CFAP97: variants seen among roughly 807,000 people sequenced by gnomAD.
CFAP97 encodes the protein cilia- and flagella-associated protein 97.
Under a neutral mutation model 43.1 loss-of-function variants are expected in CFAP97, and 36 were observed. The observed-to-expected ratio is 0.84, with a 90% CI of 0.64 to 1.10. The LOEUF is 1.10. Among genes scored for constraint, CFAP97 ranks in the 50% least tolerant of loss-of-function variants. The pLI is 0.00. For missense variants in CFAP97, 657 were observed against 620.3 expected, an observed-to-expected ratio of 1.06 and a Z score of -0.63; for synonymous variants, 228 against 225.7, an observed-to-expected ratio of 1.01 and a Z score of -0.09.
chr4:185,204,711 C>G (rs1737111307), upstream of CFAP97, among the ~76,000 whole-genome samples: 1 of 152,150 alleles, frequency 6.6e-6, no homozygotes, highest in South Asian at 2.1e-4. Context: ...CACAAAGGTC[C>G]TTATAAGATG....
intron 1 of CFAP97, among the ~76,000 whole-genome samples, chr4:185,192,696 C>T (rs1736323039): frequency 6.8e-6 from 1 of 146,982 alleles, no homozygotes; most frequent in East Asian, 2.0e-4. Context: ...TAAGATCAGA[C>T]TTGACCTTTG....
chr4:185,167,537 A>G lies in CFAP97; in HGVS notation c.1321-3358T>C, dbSNP rs571637020. 9.2e-5 allele frequency among the ~76,000 whole-genome samples: 14 copies of G among 152,350 alleles called. No individual in the cohort carries two copies. The South Asian group carries it at 2.9e-3, about 32-fold the overall frequency. ...TACAGTGATAATAAATATAAGCTAT[A>G]TGGTCAGAAAGATTTGGGCTTAACA... On this transcript the variant is annotated intron_variant, in intron 3 of 4. Coordinates refer to ENST00000458385, the MANE Select transcript of CFAP97 (RefSeq NM_020827.3).
At chr4:185,172,650 A>G (rs912789950) in intron 3 of CFAP97, among the ~76,000 whole-genome samples, 4 of 151,840 alleles carry the variant, frequency 2.6e-5, no homozygotes, top group African/African-American at 9.7e-5. Context: ...AAATAACTAC[A>G]AAAGTGTGTC....
chr4:185,167,620 C>T (rs962352214), intron 3 of CFAP97, among the ~76,000 whole-genome samples: 4 of 152,106 alleles, frequency 2.6e-5, no homozygotes, highest in South Asian at 2.1e-4. Context: ...ATATTAATAA[C>T]GAAATAACCT....
upstream of CFAP97, among the ~76,000 whole-genome samples, chr4:185,208,737 AAAAGAAAG>A (rs141395764): frequency 2.1e-4 from 32 of 151,948 alleles, no homozygotes; most frequent in Non-Finnish European, 3.5e-4. Context: ...AAAAAAGAAA[AAAAGAAAG>A]AAAGAAAGAA....
chr4:185,170,007 C>T, intron 3 of CFAP97: 11 of 1,112,472 alleles, frequency 9.9e-6, no homozygotes, highest in Non-Finnish European at 1.2e-5. Context: ...ATTTTTGTGA[C>T]AATTTATCAC....
At chr4:185,168,407 G>C (rs1229627036) in intron 3 of CFAP97, among the ~76,000 whole-genome samples, 1 of 151,890 alleles carries the variant, frequency 6.6e-6, no homozygotes, top group African/African-American at 2.4e-5. Context: ...AGGAGTTTGA[G>C]ACCAGCCTGG....
At chr4:185,188,972 G>T (rs1037970892) in intron 2 of CFAP97, among the ~76,000 whole-genome samples, 2 of 152,114 alleles carry the variant, frequency 1.3e-5, no homozygotes, top group African/African-American at 4.8e-5. Flanking sequence ...ATGCAGTGGC[G>T]TGCACCCATA....
chr4:185,167,899 T>A (rs963242181), intron 3 of CFAP97, among the ~76,000 whole-genome samples: 5 of 148,728 alleles, frequency 3.4e-5, no homozygotes, highest in Non-Finnish European at 7.4e-5. Context: ...CTCCGGAGGC[T>A]GAGGCATGAG....
intron 2 of CFAP97, among the ~76,000 whole-genome samples, chr4:185,183,616 G>A (rs373868177): frequency 1.1e-4 from 16 of 152,354 alleles, no homozygotes; most frequent in African/African-American, 3.4e-4. Context: ...ATGCTTCACT[G>A]TGTAAATCGA....
chr4:185,198,410 T>G lies in CFAP97; in HGVS notation c.-17+5488A>C, dbSNP rs984174997. On this transcript the variant is annotated intron_variant, in intron 1 of 4. Coordinates refer to ENST00000458385, the MANE Select transcript of CFAP97 (RefSeq NM_020827.3). Reference sequence around the variant, plus strand: ...GTGAGCCAAGATTGCATCACTACACTCCAGCCTGGGTGACAGAGTGAGACT... The same window carrying G: ...GTGAGCCAAGATTGCATCACTACACGCCAGCCTGGGTGACAGAGTGAGACT... Among the ~76,000 whole-genome samples, 3 of 145,572 alleles carry G rather than the reference T, an allele frequency of 2.1e-5. No homozygotes were observed. The Admixed American group carries it at 2.1e-4, about 10-fold the overall frequency.
At chr4:185,178,240 CTTTTTTTTTTT>C (rs562452947) in intron 2 of CFAP97, among the ~76,000 whole-genome samples, 1 of 64,236 alleles carries the variant, frequency 1.6e-5, no homozygotes, top group Admixed American at 2.1e-4. Context: ...CGGTTTTTGT[CTTTTTTTTTTT>C]TTTTTTTTTT....
upstream of CFAP97, among the ~76,000 whole-genome samples, chr4:185,208,908 A>G (rs954571492): frequency 1.3e-5 from 2 of 152,234 alleles, no homozygotes; most frequent in African/African-American, 4.8e-5. Flanking sequence ...ATGACAGAAG[A>G]AAAGGCAAAT....
At position 185,162,756 on chromosome 4, in the gene CFAP97, C is replaced by T; in HGVS notation, c.*42G>A. On this transcript the variant is annotated 3_prime_UTR_variant, in exon 5 of 5. Coordinates refer to ENST00000458385, the MANE Select transcript of CFAP97 (RefSeq NM_020827.3). ...ATTATAGGAATATGCACGAGCACTTCAAGAAAAGTTGTGTGAACAATGTTT... is the reference window on the plus strand; with the variant it reads ...ATTATAGGAATATGCACGAGCACTTTAAGAAAAGTTGTGTGAACAATGTTT... The T allele has an allele frequency of 6.3e-7, 1 of 1,596,206 alleles. No homozygotes were observed. The highest frequency in any genetic ancestry group is 1.3e-5 in the African/African-American group (1 of 74,756).
intron 1 of CFAP97, among the ~76,000 whole-genome samples, chr4:185,203,409 C>G (rs1737003277): frequency 6.6e-6 from 1 of 152,180 alleles, no homozygotes; most frequent in Non-Finnish European, 1.5e-5. Flanking sequence ...AGTTAAACAG[C>G]ACAGTAGGCC....
rs1401864182 is a variant in CFAP97, at chr4:185,160,174, A to G, written c.*2624T>C. The G allele has an allele frequency of 1.3e-5, 2 of 152,242 alleles. No homozygotes were observed. The highest frequency in any genetic ancestry group is 2.9e-5 in the Non-Finnish European group (2 of 68,048). The allele number at this position is 152,242 out of a possible 1,614,324, so 9.4% of individuals were successfully genotyped here. A position where few individuals can be genotyped will look rare whatever the true frequency, so the allele number is the denominator to read the frequency against. ...TTTTATGGAAACTGAAAAAGAGAGC[A>G]GAGGAAGTATAAGAGCTACCCCTTA... On this transcript the variant is annotated 3_prime_UTR_variant, in exon 5 of 5. Transcript: ENST00000458385.
At chr4:185,192,773 C>A (rs1736340879) in intron 1 of CFAP97, among the ~76,000 whole-genome samples, 1 of 115,152 alleles carries the variant, frequency 8.7e-6, no homozygotes, top group African/African-American at 3.9e-5. Context: ...CGGAGTCTCG[C>A]TCTGTCACCC....
Position 185,197,397 on chromosome 4 carries a change from C to T in CFAP97, c.-16-6185G>A, listed in dbSNP as rs187650057. Among the ~76,000 whole-genome samples, 5 of 151,544 alleles carry T rather than the reference C, an allele frequency of 3.3e-5. No individual in the cohort carries two copies. The East Asian group carries it at 5.8e-4, about 18-fold the overall frequency. ...GAATGTCTCTGCTGGATTTTACTGG[C>T]GAATATATTAAAAGAAAAGTTGTTT... On this transcript the variant is annotated intron_variant, in intron 1 of 4. Coordinates refer to ENST00000458385, the MANE Select transcript of CFAP97 (RefSeq NM_020827.3).
intron 1 of CFAP97, among the ~76,000 whole-genome samples, chr4:185,201,168 A>AC (rs1357099177): frequency 6.6e-6 from 1 of 151,158 alleles, no homozygotes; most frequent in African/African-American, 2.4e-5. Context: ...TACTACAAAT[A>AC]AAAAAAAATT....
Sources: gnomAD v4.1 joint callset for allele counts (sites outside exome capture counted in the v4.1 genomes callset) on GRCh38, gnomAD v4.1.1 for gene constraint, MANE v1.5 for transcripts, NCBI Gene and HGNC (gene_info 2026-07-23, HGNC 2026-07-21) for gene names.